TRIM8: variants seen among roughly 807,000 people sequenced by gnomAD.
TRIM8 encodes the protein E3 ubiquitin-protein ligase TRIM8.
Under a neutral mutation model 55.7 loss-of-function variants are expected in TRIM8, and 9 were observed. That is an observed-to-expected ratio of 0.16 (90% confidence interval 0.10 to 0.28). The LOEUF (loss-of-function observed/expected upper bound fraction) is 0.28, where lower values mean the gene tolerates loss of function less well. Among genes scored for constraint, TRIM8 ranks in the 10% least tolerant of loss-of-function variants. The pLI, the probability that TRIM8 is intolerant of heterozygous loss-of-function variation, is 1.00. For synonymous variants in TRIM8, 335 were observed against 333.3 expected, an observed-to-expected ratio of 1.01 and a Z score of -0.06; for missense variants, 556 against 736.4, an observed-to-expected ratio of 0.76 and a Z score of 2.83.
intron 1 of TRIM8, among the ~76,000 whole-genome samples, chr10:102,648,505 G>T (rs1461832547): frequency 1.3e-5 from 2 of 152,166 alleles, no homozygotes; most frequent in African/African-American, 4.8e-5. Context: ...GGTTCTCTGG[G>T]GGAGGAGATC....
At chr10:102,650,790 T>TGG (rs1488634946) in intron 1 of TRIM8, among the ~76,000 whole-genome samples, 1 of 151,224 alleles carries the variant, frequency 6.6e-6, no homozygotes, top group Non-Finnish European at 1.5e-5. Context: ...GGGAGGCAGG[T>TGG]GGGGGTTGGG....
intron 1 of TRIM8, among the ~76,000 whole-genome samples, chr10:102,648,542 GC>G (rs1229123386): frequency 6.6e-6 from 1 of 152,160 alleles, no homozygotes. Flanking sequence ...TGTGGGGTTT[GC>G]CCCTGCTTGG....
intron 1 of TRIM8, among the ~76,000 whole-genome samples, chr10:102,651,008 G>C (rs1414366825): frequency 1.3e-5 from 2 of 152,146 alleles, no homozygotes; most frequent in African/African-American, 4.8e-5. Flanking sequence ...TCTCCCAGGC[G>C]CTGTCTGTAG....
At chr10:102,655,989 G>A in intron 3 of TRIM8, 117 bp from the exon 4 acceptor site, 1 of 1,463,682 alleles carries the variant, frequency 6.8e-7, no homozygotes, top group African/African-American at 1.4e-5. Flanking sequence ...TGTCCAGAAT[G>A]AGAGGATCCA....
intron 1 of TRIM8, among the ~76,000 whole-genome samples, chr10:102,648,933 C>T (rs577648811): frequency 1.0e-3 from 153 of 152,308 alleles, no homozygotes; most frequent in Admixed American, 1.6e-3. Flanking sequence ...CCACCCCTAC[C>T]CCAGGATCCT....
Position 102,656,408 on chromosome 10 carries a change from A to T in TRIM8, c.1048+23A>T. 6.3e-7 allele frequency: 1 copy of T among 1,598,394 alleles called. No homozygotes were observed. Among genetic ancestry groups the T allele is most frequent in the Non-Finnish European group, 8.5e-7 (1 of 1,171,518 alleles). On this transcript the variant is annotated intron_variant, in intron 5 of 5. Transcript: ENST00000643721. The surrounding 1 kb of genome is among the most constrained non-coding windows in gnomAD (Gnocchi z 4.6). The stretch of plus-strand genomic sequence containing the variant: ...AAGGTGAGGGTGGGGTGTTCCGCCG[A>T]AGGGAGACAGGGACCTTTGGGGAGG...
At position 102,656,488 on chromosome 10, in the gene TRIM8, C is replaced by T; in HGVS notation, c.1048+103C>T. On this transcript the variant is annotated intron_variant, in intron 5 of 5. Transcript: ENST00000643721. This position sits in a 1 kb window ranked among gnomAD's most constrained non-coding sequence, Gnocchi z 4.6. ...GGCAGTGTGGCCCAGTCTGGGAGAC[C>T]TGTCCTCATATCCAGGCTTTGCCAC... 1.3e-6 allele frequency: 2 copies of T among 1,492,420 alleles called. No individual in the cohort carries two copies. Among genetic ancestry groups the T allele is most frequent in the Non-Finnish European group, 1.8e-6 (2 of 1,111,920 alleles). 92.4% of individuals were successfully genotyped at this position (1,492,420 alleles called of 1,614,324 possible). A position where few individuals can be genotyped will look rare whatever the true frequency, so the allele number is the denominator to read the frequency against.
chr10:102,644,598 G>GC lies in TRIM8; in HGVS notation c.-15dup. The GC allele has an allele frequency of 6.2e-7, 1 of 1,607,142 alleles. No homozygotes were observed. The highest frequency in any genetic ancestry group is 2.2e-5 in the East Asian group (1 of 44,556). On this transcript the variant is annotated 5_prime_UTR_variant, in exon 1 of 6. Transcript: ENST00000643721. ...TGGGGAGTCGGGGAGGCCTGCCCCGGCCCCCTGCCCGCGGCCGCCATGGCG... is the reference window on the plus strand; with the variant it reads ...TGGGGAGTCGGGGAGGCCTGCCCCGGCCCCCCTGCCCGCGGCCGCCATGGCG...
Position 102,656,165 on chromosome 10 carries a change from G to C in TRIM8, c.932+28G>C, listed in dbSNP as rs1168588690. On this transcript the variant is annotated intron_variant, in intron 4 of 5. Coordinates refer to ENST00000643721, the MANE Select transcript of TRIM8 (RefSeq NM_030912.3). The surrounding 1 kb of genome is among the most constrained non-coding windows in gnomAD (Gnocchi z 4.6). ...AAGCTGAGGGCCCTAGCCCTCCCGG[G>C]GGCACATCCTGGGGAGGGCAGGGGG... is the stretch of plus-strand genomic sequence containing the variant. 1.6e-5 allele frequency: 26 copies of C among 1,614,002 alleles called. No homozygotes were observed. The highest frequency in any genetic ancestry group is 2.2e-5 in the Non-Finnish European group (26 of 1,180,034).
chr10:102,655,665 A>G (rs2064017887), intron 3 of TRIM8, among the ~76,000 whole-genome samples: 1 of 152,254 alleles, frequency 6.6e-6, no homozygotes, highest in African/African-American at 2.4e-5. Context: ...TATCTTGCTT[A>G]GTATGAAAAT....
In TRIM8 at chr10:102,656,407, G is replaced by A. The variant is rs770821545; in HGVS notation, c.1048+22G>A. On this transcript the variant is annotated intron_variant, in intron 5 of 5. Coordinates refer to ENST00000643721, the MANE Select transcript of TRIM8 (RefSeq NM_030912.3). This position sits in a 1 kb window ranked among gnomAD's most constrained non-coding sequence, Gnocchi z 4.6. ...GAAGGTGAGGGTGGGGTGTTCCGCC[G>A]AAGGGAGACAGGGACCTTTGGGGAG... The A allele has an allele frequency of 3.1e-6, 5 of 1,598,606 alleles. No homozygotes were observed. The highest frequency in any genetic ancestry group is 1.7e-5 in the Admixed American group (1 of 58,148).
rs954609663 is a variant in TRIM8 at position 102,644,513 on chromosome 10, G to C, written c.-105G>C. Reference sequence around the variant, plus strand: ...GCTGACTGAGCGACCGTCGGGGCCGGCTGGGGCCGGAGCTCGGGGCTCGGT... The same window carrying C: ...GCTGACTGAGCGACCGTCGGGGCCGCCTGGGGCCGGAGCTCGGGGCTCGGT... On this transcript the variant is annotated 5_prime_UTR_variant, in exon 1 of 6. Transcript: ENST00000643721. The C allele has an allele frequency of 7.1e-6, 8 of 1,131,354 alleles. No homozygotes were observed. In the Admixed American group the frequency reaches 1.9e-4, roughly 26 times the overall value. The allele number at this position is 1,131,354 out of a possible 1,614,324, so 70.1% of individuals were successfully genotyped here. A position where few individuals can be genotyped will look rare whatever the true frequency, so the allele number is the denominator to read the frequency against.
At chr10:102,645,239 C>A in intron 1 of TRIM8, 52 bp downstream of exon 1, 1 of 1,447,928 alleles carries the variant, frequency 6.9e-7, no homozygotes. Context: ...ACACACAGTC[C>A]CTTCCTCTCT....
rs2064026428 is a variant in TRIM8 at position 102,656,516 on chromosome 10, G to T, written c.1048+131G>T. 1 of 1,418,492 alleles carries T rather than the reference G, an allele frequency of 7.0e-7. No individual in the cohort carries two copies. Among genetic ancestry groups the T allele is most frequent in the Non-Finnish European group, 9.4e-7 (1 of 1,060,412 alleles). 87.9% of individuals were successfully genotyped at this position (1,418,492 alleles called of 1,614,324 possible). ...TCCTCATATCCAGGCTTTGCCACTT[G>T]TAGCTGTGGGACAGTGGGTAAGCAA... On this transcript the variant is annotated intron_variant, in intron 5 of 5. Transcript: ENST00000643721. The surrounding 1 kb of genome is among the most constrained non-coding windows in gnomAD (Gnocchi z 4.6).
At position 102,645,062 on chromosome 10, in the gene TRIM8, A is replaced by G; in HGVS notation, c.445A>G (p.Asn149Asp). 1 of 1,592,634 alleles carries G rather than the reference A, an allele frequency of 6.3e-7. No individual in the cohort carries two copies. The highest frequency in any genetic ancestry group is 8.5e-7 in the Non-Finnish European group (1 of 1,176,942). ...DVRAWSCPQH[N>D]AYRLYHCEAE... ...GCGGGCCTGGAGCTGCCCGCAGCAC[A>G]ACGCCTACCGCCTCTACCACTGCGA... The change falls in exon 1 of 6, where the codon AAC becomes GAC. Residue 149 changes from asparagine to aspartate, a missense_variant. Asn to Asp is a conservative substitution (Grantham distance 23). Transcript: ENST00000643721.
chr10:102,649,682 G>A (rs1012911183), intron 1 of TRIM8, among the ~76,000 whole-genome samples: 10 of 152,204 alleles, frequency 6.6e-5, no homozygotes, highest in African/African-American at 9.6e-5. Context: ...GGGGTCTGCC[G>A]GGCTCGCATC....
intron 1 of TRIM8, among the ~76,000 whole-genome samples, chr10:102,650,450 C>A (rs554277109): frequency 6.6e-6 from 1 of 152,314 alleles, no homozygotes; most frequent in South Asian, 2.1e-4. Context: ...GGGCAGATCA[C>A]CAAAGGCCTG....
intron 1 of TRIM8, among the ~76,000 whole-genome samples, chr10:102,651,931 C>T (rs969667039): frequency 2.6e-5 from 4 of 152,158 alleles, no homozygotes; most frequent in African/African-American, 7.2e-5. Flanking sequence ...GAGGCGGGCT[C>T]GGGGCTCAGG....
intron 1 of TRIM8, among the ~76,000 whole-genome samples, chr10:102,650,276 C>CAA (rs2063973586): frequency 6.6e-6 from 1 of 152,220 alleles, no homozygotes; most frequent in Admixed American, 6.5e-5. Context: ...TCCAGAGGGA[C>CAA]ATGAGGCTTT....
Sources: gnomAD v4.1 joint callset for allele counts (sites outside exome capture counted in the v4.1 genomes callset) on GRCh38, gnomAD v4.1.1 for gene constraint, Gnocchi (gnomAD v3.1) non-coding constraint, MANE v1.5 for transcripts, NCBI Gene and HGNC (gene_info 2026-07-23, HGNC 2026-07-21) for gene names.